Variants in KCTD19 observed in about 807,000 individuals in gnomAD.
KCTD19 encodes the protein BTB/POZ domain-containing protein KCTD19.
Under a neutral mutation model 103.5 loss-of-function variants are expected in KCTD19, and 67 were observed. That is an observed-to-expected ratio of 0.65 (90% CI 0.53 to 0.79). The LOEUF is 0.79. KCTD19 is among the 30% of genes least tolerant of loss of function. The pLI is 0.00. For synonymous variants in KCTD19, 439 were observed against 452.2 expected (o/e 0.97, Z 0.37); for missense variants, 980 against 1,136.1 (o/e 0.86, Z 1.98).
Position 67,326,721 on chromosome 16 carries a change from G to C in KCTD19, c.-14C>G. The C allele has an allele frequency of 6.4e-7, 1 of 1,574,424 alleles. No homozygotes were observed. The highest frequency in any genetic ancestry group is 8.6e-7 in the Non-Finnish European group (1 of 1,165,532). On this transcript the variant is annotated 5_prime_UTR_variant, in exon 1 of 16. Coordinates refer to ENST00000304372, the MANE Select transcript of KCTD19 (RefSeq NM_001100915.3). ...GCTCCGTACCATGGTCGCGGCTCCA[G>C]CAGCGGGCGGGCGGGCTTGTGACCC...
At chr16:67,297,372 C>A in intron 7 of KCTD19, 131 bp downstream of exon 7, 1 of 936,172 alleles carries the variant, frequency 1.1e-6, no homozygotes, top group Non-Finnish European at 1.6e-6. Flanking sequence ...TTGTAAAAAT[C>A]CAAAATATTG....
At chr16:67,301,979 A>G (rs1472954755) in intron 4 of KCTD19, 57 bp from the exon 5 acceptor site, 2 of 1,586,366 alleles carry the variant, frequency 1.3e-6, no homozygotes, top group African/African-American at 1.3e-5. Context: ...GTTTAGCTGT[A>G]GGTCCTGGTT....
chr16:67,303,699 C>T lies in KCTD19; in HGVS notation c.452-362G>A, dbSNP rs141355018. Among the ~76,000 whole-genome samples the T allele has an allele frequency of 0.016, 2,385 of 152,202 alleles. 17 individuals carry two copies. Among genetic ancestry groups the T allele is most frequent in the Non-Finnish European group, 0.025 (1,680 of 68,012 alleles). On this transcript the variant is annotated intron_variant, in intron 3 of 15. Coordinates refer to ENST00000304372, the MANE Select transcript of KCTD19 (RefSeq NM_001100915.3). The surrounding 1 kb of genome is among the most constrained non-coding windows in gnomAD (Gnocchi z 4.3). ...AGTAGCTGGGACTACAGGCACGTGC[C>T]ACCACACCCAGCTAATTTTTGTGTT...
At chr16:67,297,389 C>T (rs2036776892) in intron 7 of KCTD19, 114 bp downstream of exon 7, 1 of 1,084,774 alleles carries the variant, frequency 9.2e-7, no homozygotes, top group South Asian at 1.6e-5. Context: ...ATTGGCCTGG[C>T]TTTCCCCTCC....
In KCTD19 at chr16:67,289,534, C is replaced by T. The variant is rs764346258; in HGVS notation, c.*35G>A. 2.7e-5 allele frequency: 35 copies of T among 1,272,978 alleles called. No individual in the cohort carries two copies. The highest frequency in any genetic ancestry group is 5.1e-5 in the Admixed American group (3 of 58,718). 78.9% of individuals were successfully genotyped at this position (1,272,978 alleles called of 1,614,324 possible). On this transcript the variant is annotated 3_prime_UTR_variant, in exon 16 of 16. Coordinates refer to ENST00000304372, the MANE Select transcript of KCTD19 (RefSeq NM_001100915.3). ...TATCTCCAATTAAAATGAGACTTGG[C>T]GGGTGGGGCATGAGGGGCTGCATCT...
intron 7 of KCTD19, 59 bp from the exon 8 acceptor site, chr16:67,296,318 G>C: frequency 9.3e-7 from 1 of 1,070,166 alleles, no homozygotes; most frequent in Non-Finnish European, 1.5e-6. Context: ...AAGCAGGTAG[G>C]GCCCTTTGGT....
At chr16:67,295,944 C>T (rs773031816) in intron 8 of KCTD19, 11 of 516,964 alleles carry the variant, frequency 2.1e-5, no homozygotes, top group Non-Finnish European at 3.5e-5. Context: ...GGGGTTTCAC[C>T]ATGTTGGTCA....
chr16:67,289,831 G>A, intron 15 of KCTD19, 149 bp from the exon 16 acceptor site: 2 of 576,194 alleles, frequency 3.5e-6, no homozygotes, highest in Non-Finnish European at 6.2e-6. Flanking sequence ...CTGCCCCAGG[G>A]CATCTCACAG....
At chr16:67,305,348 A>C (rs2036880873) in intron 2 of KCTD19, 1 of 225,668 alleles carries the variant, frequency 4.4e-6, no homozygotes, top group Admixed American at 5.6e-5. Context: ...TTTTCAACAC[A>C]CTTTAACACA....
chr16:67,291,521 C>T, intron 13 of KCTD19, 58 bp from the exon 14 acceptor site: 1 of 1,586,212 alleles, frequency 6.3e-7, no homozygotes, highest in Non-Finnish European at 8.6e-7. Context: ...GCCTTAGAGA[C>T]AGTGTGAGGA....
intron 1 of KCTD19, among the ~76,000 whole-genome samples, chr16:67,322,153 A>C (rs1377121817): frequency 6.6e-6 from 1 of 152,228 alleles, no homozygotes; most frequent in Non-Finnish European, 1.5e-5. Flanking sequence ...TGGACAAAGA[A>C]TAGTCCTTAT....
In KCTD19 at chr16:67,291,843, A is replaced by T; in HGVS notation, c.2219-6T>A. The T allele has an allele frequency of 6.3e-7, 1 of 1,580,958 alleles. No homozygotes were observed. Among genetic ancestry groups the T allele is most frequent in the Non-Finnish European group, 8.6e-7 (1 of 1,162,872 alleles). On this transcript the variant is annotated splice_region_variant and splice_polypyrimidine_tract_variant and intron_variant, in intron 12 of 15. Coordinates refer to ENST00000304372, the MANE Select transcript of KCTD19 (RefSeq NM_001100915.3). ...CTGCTCAGGGGCAGGGCTTTCTGTG[A>T]AAACAACATAGGGAGGGGGCTCTCC...
chr16:67,318,264 T>A (rs953301012), intron 2 of KCTD19, among the ~76,000 whole-genome samples: 1 of 152,090 alleles, frequency 6.6e-6, no homozygotes, highest in East Asian at 1.9e-4. Flanking sequence ...CAGCCCCCCA[T>A]TTAGAAGCTG....
At position 67,303,109 on chromosome 16, in the gene KCTD19, AGCCCGCC is replaced by A; in HGVS notation, c.643+30_643+36del. ...TGGGGAGGGGTGAATGGGCCCTATC[AGCCCGCC>A]CCCCACCCCACCCCGGACAGAGCAA... On this transcript the variant is annotated intron_variant, in intron 4 of 15. Coordinates refer to ENST00000304372, the MANE Select transcript of KCTD19 (RefSeq NM_001100915.3). The surrounding 1 kb of genome is among the most constrained non-coding windows in gnomAD (Gnocchi z 4.3). 2.1e-6 allele frequency: 1 copy of A among 483,252 alleles called. No homozygotes were observed. The highest frequency in any genetic ancestry group is 4.0e-6 in the Non-Finnish European group (1 of 247,146). 29.9% of individuals were successfully genotyped at this position (483,252 alleles called of 1,614,324 possible).
At position 67,301,852 on chromosome 16, in the gene KCTD19, T is replaced by C. The variant is rs2036837942; in HGVS notation, c.714A>G (p.Glu238=). 6.2e-7 allele frequency: 1 copy of C among 1,613,550 alleles called. No individual in the cohort carries two copies. The highest frequency in any genetic ancestry group is 8.5e-7 in the Non-Finnish European group (1 of 1,179,458). Residue 238 remains glutamate, a synonymous_variant, in exon 5 of 16, where the codon GAA becomes GAG. Coordinates refer to ENST00000304372, the MANE Select transcript of KCTD19 (RefSeq NM_001100915.3). ...GTGCAGGGATTTCCAGAATTTCCAC[T>C]TCTGCTTCTAATACATCAATGTTGG... ...NFSNIDVLEA[E]VEILEIPALT...
At position 67,291,579 on chromosome 16, in the gene KCTD19, AC is replaced by A. The variant is rs2036696301; in HGVS notation, c.2410+66del. 70 of 1,573,320 alleles carry A rather than the reference AC, an allele frequency of 4.4e-5. 1 individual carries two copies. The South Asian group carries it at 6.9e-4, about 16-fold the overall frequency. On this transcript the variant is annotated intron_variant, in intron 13 of 15. Transcript: ENST00000304372. ...AGGGGCCACTGTCTCTGCCTGAAGT[AC>A]CCTGGGAGGGGGCTCAGGCATCCTC...
chr16:67,297,278 A>G (rs2036775279), intron 7 of KCTD19, among the ~76,000 whole-genome samples: 1 of 152,192 alleles, frequency 6.6e-6, no homozygotes, highest in South Asian at 2.1e-4. Context: ...GTGGCCCCAG[A>G]CTGGGTAACA....
Position 67,293,178 on chromosome 16 carries a change from C to G in KCTD19, c.2218+366G>C, listed in dbSNP as rs974325252. 2.0e-5 allele frequency among the ~76,000 whole-genome samples: 3 copies of G among 152,198 alleles called. No individual in the cohort carries two copies. Among genetic ancestry groups the G allele is most frequent in the Non-Finnish European group, 4.4e-5 (3 of 68,030 alleles). ...TGTCCTTATGACTTCTGTCTTCAGC[C>G]TCATCTTTTATCACGTCTGCATGTG... On this transcript the variant is annotated intron_variant, in intron 12 of 15. Coordinates refer to ENST00000304372, the MANE Select transcript of KCTD19 (RefSeq NM_001100915.3). The surrounding 1 kb of genome is among the most constrained non-coding windows in gnomAD (Gnocchi z 4.0).
At chr16:67,312,008 G>A (rs183556692) in intron 2 of KCTD19, among the ~76,000 whole-genome samples, 5 of 152,282 alleles carry the variant, frequency 3.3e-5, no homozygotes, top group South Asian at 2.1e-4. Flanking sequence ...TCTTAAAAAC[G>A]TCATTTGTGT....
Sources: gnomAD v4.1 joint callset for allele counts (sites outside exome capture counted in the v4.1 genomes callset) on GRCh38, gnomAD v4.1.1 for gene constraint, Gnocchi (gnomAD v3.1) non-coding constraint, MANE v1.5 for transcripts, NCBI Gene and HGNC (gene_info 2026-07-23, HGNC 2026-07-21) for gene names.